The following SAMD5 variants were observed in gnomAD, a reference collection of about 807,000 sequenced individuals.
The protein encoded by SAMD5 is sterile alpha motif domain-containing protein 5.
Under a neutral mutation model 11.3 loss-of-function variants are expected in SAMD5, and 13 were observed. That is an observed-to-expected ratio of 1.15 (90% CI 0.75 to 1.83). The LOEUF is 1.83. SAMD5 is among the 40% of genes most tolerant of loss of function. The pLI, the probability that SAMD5 is intolerant of heterozygous loss-of-function variation, is 0.00. For missense variants in SAMD5, 255 were observed against 239.1 expected, an observed-to-expected ratio of 1.07 and a Z score of -0.44; for synonymous variants, 129 against 111.3, an observed-to-expected ratio of 1.16 and a Z score of -1.00.
chr6:147,799,229 G>C, the SAMD5 span, among the ~76,000 whole-genome samples: 1 of 151,998 alleles, frequency 6.6e-6, no homozygotes. Context: ...TCCATGTTTA[G>C]GGTTTCCTTC....
chr6:147,609,278 G>A (rs1466327611), intron 1 of SAMD5, among the ~76,000 whole-genome samples: 1 of 152,132 alleles, frequency 6.6e-6, no homozygotes, highest in Non-Finnish European at 1.5e-5. Flanking sequence ...ACATACAGGG[G>A]GAGCACTTTG....
the SAMD5 span, among the ~76,000 whole-genome samples, chr6:147,924,892 T>G: frequency 1.3e-5 from 2 of 152,048 alleles, no homozygotes; most frequent in African/African-American, 4.8e-5. Flanking sequence ...CTTTAATTCT[T>G]GATGATATGT....
chr6:147,822,088 C>T, the SAMD5 span, among the ~76,000 whole-genome samples: 1 of 152,130 alleles, frequency 6.6e-6, no homozygotes, highest in Non-Finnish European at 1.5e-5. Context: ...CACCTGTAGA[C>T]AAAGCTCTTA....
intron 1 of SAMD5, among the ~76,000 whole-genome samples, chr6:147,693,197 C>T (rs996311737): frequency 6.6e-6 from 1 of 152,216 alleles, no homozygotes; most frequent in Non-Finnish European, 1.5e-5. Context: ...TAATTTTCAC[C>T]TCAGCCTTTT....
the SAMD5 span, among the ~76,000 whole-genome samples, chr6:147,774,777 G>A: frequency 6.6e-6 from 1 of 152,010 alleles, no homozygotes; most frequent in Non-Finnish European, 1.5e-5. Context: ...TGTGGATGTG[G>A]AACCCATGGT....
At chr6:147,794,291 T>G in the SAMD5 span, among the ~76,000 whole-genome samples, 2 of 152,200 alleles carry the variant, frequency 1.3e-5, no homozygotes, top group Admixed American at 1.3e-4. Context: ...TAAATATGTT[T>G]AGAGCTTCAA....
downstream of SAMD5, among the ~76,000 whole-genome samples, chr6:147,739,419 A>G (rs2128460628): frequency 6.6e-6 from 1 of 152,226 alleles, no homozygotes; most frequent in Middle Eastern, 3.4e-3. Flanking sequence ...ACATAGTGAG[A>G]CTTCATTTCT....
At chr6:147,549,418 T>G (rs894183956) in intron 1 of SAMD5, among the ~76,000 whole-genome samples, 3 of 152,202 alleles carry the variant, frequency 2.0e-5, no homozygotes, top group African/African-American at 7.2e-5. Context: ...GAACAGGAAG[T>G]GCAAGGATAT....
chr6:147,925,454 C>T, the SAMD5 span, among the ~76,000 whole-genome samples: 1 of 151,940 alleles, frequency 6.6e-6, no homozygotes, highest in Non-Finnish European at 1.5e-5. Flanking sequence ...AAGTAATAAA[C>T]ACTTGTTATA....
intron 1 of SAMD5, among the ~76,000 whole-genome samples, chr6:147,525,184 C>T (rs1788317625): frequency 6.6e-6 from 1 of 150,648 alleles, no homozygotes; most frequent in Non-Finnish European, 1.5e-5. Flanking sequence ...CCGCCTGTGC[C>T]CTCAAGAACT....
intron 1 of SAMD5, among the ~76,000 whole-genome samples, chr6:147,581,240 G>T (rs1562325989): frequency 6.6e-6 from 1 of 152,154 alleles, no homozygotes; most frequent in Non-Finnish European, 1.5e-5. Context: ...ATGTGCAAGA[G>T]AAAGAATACA....
At chr6:147,756,058 G>A in the SAMD5 span, among the ~76,000 whole-genome samples, 1 of 151,916 alleles carries the variant, frequency 6.6e-6, no homozygotes, top group Non-Finnish European at 1.5e-5. Flanking sequence ...CCAGAATTTT[G>A]GAAAGAATCA....
chr6:147,718,596 CTT>C (rs1433335082), intron 1 of SAMD5, among the ~76,000 whole-genome samples: 1 of 152,140 alleles, frequency 6.6e-6, no homozygotes, highest in African/African-American at 2.4e-5. Flanking sequence ...CATATAGAAA[CTT>C]CAAGGAATTG....
intron 1 of SAMD5, among the ~76,000 whole-genome samples, chr6:147,676,460 C>A (rs1449844301): frequency 6.6e-6 from 1 of 152,158 alleles, no homozygotes; most frequent in African/African-American, 2.4e-5. Flanking sequence ...ATTTTTCTAT[C>A]CTGGTTTATA....
the SAMD5 span, among the ~76,000 whole-genome samples, chr6:147,854,463 A>G: frequency 6.6e-6 from 1 of 152,170 alleles, no homozygotes; most frequent in Non-Finnish European, 1.5e-5. Flanking sequence ...GATGAATTAG[A>G]GTGTGAGAAC....
intron 1 of SAMD5, among the ~76,000 whole-genome samples, chr6:147,665,768 G>A (rs1790708429): frequency 6.6e-6 from 1 of 152,244 alleles, no homozygotes; most frequent in African/African-American, 2.4e-5. Flanking sequence ...CTGCAAAATT[G>A]AGTAAGATAG....
chr6:147,891,739 T>TA, the SAMD5 span, among the ~76,000 whole-genome samples: 1 of 151,918 alleles, frequency 6.6e-6, no homozygotes, highest in East Asian at 1.9e-4. Context: ...TGAAAGCTCA[T>TA]CAGCTGTAAA....
At chr6:147,573,607 A>G (rs977489064), downstream of SAMD5, among the ~76,000 whole-genome samples, 1 of 152,206 alleles carries the variant, frequency 6.6e-6, no homozygotes, top group African/African-American at 2.4e-5. Flanking sequence ...AATCCTTTCC[A>G]GTCTGTTCTG....
At chr6:147,547,302 G>C (rs532998206) in intron 1 of SAMD5, among the ~76,000 whole-genome samples, 1 of 152,318 alleles carries the variant, frequency 6.6e-6, no homozygotes, top group South Asian at 2.1e-4. Context: ...AAGCTTGACT[G>C]GATTCTCTGC....
Sources: gnomAD v4.1 joint callset for allele counts (sites outside exome capture counted in the v4.1 genomes callset) on GRCh38, gnomAD v4.1.1 for gene constraint, MANE v1.5 for transcripts, NCBI Gene and HGNC (gene_info 2026-07-23, HGNC 2026-07-21) for gene names.